The following PAX2 variants were observed in gnomAD, a reference collection of about 807,000 sequenced individuals.
The protein encoded by PAX2 is paired box protein Pax-2.
PAX2 carries 9 observed loss-of-function variants against 41.7 expected under a neutral mutation model. That is an observed-to-expected ratio of 0.22 (90% CI 0.13 to 0.38). PAX2 has a LOEUF of 0.38. PAX2 is among the 10% of genes least tolerant of loss of function. The pLI is 1.00. For synonymous variants in PAX2, 221 were observed against 212.7 expected (o/e 1.04, Z -0.34); for missense variants, 418 against 531.6 (o/e 0.79, Z 2.10).
At chr10:100,793,168 C>G (rs142460872) in intron 5 of PAX2, among the ~76,000 whole-genome samples, 2 of 152,230 alleles carry the variant, frequency 1.3e-5, no homozygotes, top group African/African-American at 2.4e-5. Flanking sequence ...GGGCCCCACC[C>G]GCTCCCTGAG....
Position 100,748,563 on chromosome 10 carries a change from C to T in PAX2, c.44-1183C>T, listed in dbSNP as rs988044543. Reference sequence around the variant, plus strand: ...CCGACTCGGCCGCTAGAAGTCTCTGCGCTTGGATTGCTCAGTACCTGCGGC... The same window carrying T: ...CCGACTCGGCCGCTAGAAGTCTCTGTGCTTGGATTGCTCAGTACCTGCGGC... On this transcript the variant is annotated intron_variant, in intron 1 of 9. Transcript: ENST00000355243. This position sits in a 1 kb window ranked among gnomAD's most constrained non-coding sequence, Gnocchi z 5.0. 2 of 985,306 alleles carry T rather than the reference C, an allele frequency of 2.0e-6. No homozygotes were observed. The highest frequency in any genetic ancestry group is 1.7e-5 in the African/African-American group (1 of 57,238). The allele number at this position is 985,306 out of a possible 1,614,324, so 61.0% of individuals were successfully genotyped here.
chr10:100,755,282 G>A lies in PAX2; in HGVS notation c.410+4391G>A, dbSNP rs531159733. On this transcript the variant is annotated intron_variant, in intron 3 of 9. Transcript: ENST00000355243. ...TGTCTCCCTGTTGGCTGGTTCTGTG[G>A]GTGTTCAGGCTACAAAAGGGGTTTC... Among the ~76,000 whole-genome samples the A allele has an allele frequency of 1.1e-4, 17 of 152,288 alleles. 1 individual carries two copies. In the South Asian group the frequency reaches 3.5e-3, roughly 32 times the overall value.
intron 6 of PAX2, among the ~76,000 whole-genome samples, chr10:100,808,624 G>A (rs559727985): frequency 2.0e-5 from 3 of 152,150 alleles, no homozygotes; most frequent in East Asian, 1.9e-4. Context: ...GGCAGACAGC[G>A]AGGGGCCCAT....
At chr10:100,743,601 A>G (rs1845041909), upstream of PAX2, among the ~76,000 whole-genome samples, 1 of 152,196 alleles carries the variant, frequency 6.6e-6, no homozygotes, top group Non-Finnish European at 1.5e-5. Context: ...ATTACTTCCC[A>G]GAGGGGAAAG....
At chr10:100,756,621 A>G (rs1589820143) in intron 3 of PAX2, among the ~76,000 whole-genome samples, 1 of 152,232 alleles carries the variant, frequency 6.6e-6, no homozygotes, top group East Asian at 1.9e-4. Context: ...TCCATAGATT[A>G]GCTGTATTCA....
rs1007558143 is a variant in PAX2, at chr10:100,824,127, A to G, written c.920-521A>G. 6.6e-6 allele frequency among the ~76,000 whole-genome samples: 1 copy of G among 152,104 alleles called. No individual in the cohort carries two copies. The highest frequency in any genetic ancestry group is 2.4e-5 in the African/African-American group (1 of 41,392). ...ACCTGCAGCTCCACTTGGAGAGGACAAGGAATAGCCATCAGTCCCTGTAGG... is the reference window on the plus strand; with the variant it reads ...ACCTGCAGCTCCACTTGGAGAGGACGAGGAATAGCCATCAGTCCCTGTAGG... On this transcript the variant is annotated intron_variant, in intron 7 of 9. Coordinates refer to ENST00000355243, the MANE Select transcript of PAX2 (RefSeq NM_000278.5). This position sits in a 1 kb window ranked among gnomAD's most constrained non-coding sequence, Gnocchi z 6.6.
At chr10:100,806,337 G>A in intron 5 of PAX2, 93 bp from the exon 6 acceptor site, 1 of 1,336,372 alleles carries the variant, frequency 7.5e-7, no homozygotes, top group Non-Finnish European at 1.1e-6. Context: ...GAGCTCCTGG[G>A]CCCGGAACCA....
chr10:100,749,072 G>A, intron 1 of PAX2: 4 of 985,486 alleles, frequency 4.1e-6, no homozygotes, highest in Non-Finnish European at 4.8e-6. Context: ...ATACTAAGGA[G>A]GTGAAAGAGA....
Position 100,748,201 on chromosome 10 carries a change from C to A in PAX2, c.44-1545C>A. On this transcript the variant is annotated intron_variant, in intron 1 of 9. Transcript: ENST00000355243. The surrounding 1 kb of genome is among the most constrained non-coding windows in gnomAD (Gnocchi z 5.0). ...AGCCCGGGGAGGCTGAATTATTCAT[C>A]TTTAATCTGCCCGCAGCTGCCGCCT... The A allele has an allele frequency of 2.0e-6, 2 of 985,234 alleles. No homozygotes were observed. The highest frequency in any genetic ancestry group is 2.4e-6 in the Non-Finnish European group (2 of 829,910). 61.0% of individuals were successfully genotyped at this position (985,234 alleles called of 1,614,324 possible).
intron 3 of PAX2, among the ~76,000 whole-genome samples, chr10:100,752,253 G>A (rs955025416): frequency 5.9e-5 from 9 of 152,282 alleles, no homozygotes; most frequent in African/African-American, 4.8e-5. Flanking sequence ...TACACCCTCC[G>A]AAAACCCTCC....
chr10:100,768,674 T>C (rs975612051), intron 3 of PAX2, among the ~76,000 whole-genome samples: 1 of 152,106 alleles, frequency 6.6e-6, no homozygotes, highest in African/African-American at 2.4e-5. Flanking sequence ...AATATATATA[T>C]AAATTTCCCA....
At chr10:100,786,813 T>G in intron 5 of PAX2, 1 of 507,530 alleles carries the variant, frequency 2.0e-6, no homozygotes, top group Non-Finnish European at 3.8e-6. Context: ...TGTGAGGGAA[T>G]TGCAGCTCAG....
chr10:100,778,485 T>C (rs761574743), intron 3 of PAX2, among the ~76,000 whole-genome samples: 53 of 152,286 alleles, frequency 3.5e-4, no homozygotes, highest in Admixed American at 1.4e-3. Context: ...CAGGAAAAGC[T>C]TTTAGAGCTG....
At chr10:100,768,134 C>G (rs1465635847) in intron 3 of PAX2, among the ~76,000 whole-genome samples, 8 of 151,940 alleles carry the variant, frequency 5.3e-5, no homozygotes, top group Non-Finnish European at 8.8e-5. Flanking sequence ...AGGAAGGGAA[C>G]AATGATGGTG....
chr10:100,750,723 G>C lies in PAX2; in HGVS notation c.242G>C (p.Gly81Ala). Reference protein sequence around the residue: ...RYYETGSIKPGVIGGSKPKVA... With the variant: ...RYYETGSIKPAVIGGSKPKVA... Reference sequence around the variant, plus strand: ...TACGAGACCGGCAGCATCAAGCCGGGTGTGATCGGTGGCTCCAAGCCCAAA... The same window carrying C: ...TACGAGACCGGCAGCATCAAGCCGGCTGTGATCGGTGGCTCCAAGCCCAAA... The change falls in exon 3 of 10, where the codon GGT (glycine) becomes GCT (alanine). Residue 81 changes from glycine to alanine, a missense_variant. By Grantham distance (60) the Gly-to-Ala change is moderately conservative. This residue lies in a region of PAX2 where 108 missense variants were observed against 206.3 expected (regional missense o/e 0.52). Transcript: ENST00000355243. The surrounding 1 kb of genome is among the most constrained non-coding windows in gnomAD (Gnocchi z 4.1). The C allele has an allele frequency of 6.2e-7, 1 of 1,614,226 alleles. No homozygotes were observed. The highest frequency in any genetic ancestry group is 8.5e-7 in the Non-Finnish European group (1 of 1,180,036).
At chr10:100,741,002 A>G (rs1350333476), upstream of PAX2, among the ~76,000 whole-genome samples, 1 of 152,214 alleles carries the variant, frequency 6.6e-6, no homozygotes, top group East Asian at 1.9e-4. Context: ...GGCCCGTGCC[A>G]CTAAGAGGCA....
intron 3 of PAX2, among the ~76,000 whole-genome samples, chr10:100,778,785 G>A (rs371965001): frequency 8.5e-5 from 13 of 152,178 alleles, no homozygotes; most frequent in African/African-American, 2.7e-4. Context: ...TGGCAAAGAC[G>A]CTGCAATCCA....
intron 5 of PAX2, among the ~76,000 whole-genome samples, chr10:100,782,271 A>G (rs35987146): frequency 0.18 from 27,371 of 152,156 alleles, 2,679 homozygotes; most frequent in Middle Eastern, 0.31. Context: ...TCCTCAAACA[A>G]TGAGCATAAA....
intron 5 of PAX2, among the ~76,000 whole-genome samples, chr10:100,787,981 A>G (rs974198715): frequency 6.6e-6 from 1 of 152,150 alleles, no homozygotes; most frequent in Non-Finnish European, 1.5e-5. Context: ...GGGGGATCTT[A>G]TCATTGCTTC....
Sources: gnomAD v4.1 joint callset for allele counts (sites outside exome capture counted in the v4.1 genomes callset) on GRCh38, gnomAD v4.1.1 for gene constraint, gnomAD v4.1.1 regional missense constraint, Gnocchi (gnomAD v3.1) non-coding constraint, MANE v1.5 for transcripts, NCBI Gene and HGNC (gene_info 2026-07-23, HGNC 2026-07-21) for gene names.